Variants in TMPRSS4 observed in about 807,000 individuals in gnomAD.
TMPRSS4 encodes transmembrane protease serine 4.
Under a neutral mutation model 56.4 loss-of-function variants are expected in TMPRSS4, and 45 were observed. The observed-to-expected ratio is 0.80, with a 90% CI of 0.63 to 1.02. The LOEUF (loss-of-function observed/expected upper bound fraction) is 1.02. Among genes scored for constraint, TMPRSS4 ranks in the 50% least tolerant of loss-of-function variants. The pLI, the probability that TMPRSS4 is intolerant of heterozygous loss-of-function variation, is 0.00. For missense variants in TMPRSS4, 546 were observed against 556.7 expected, an observed-to-expected ratio of 0.98 and a Z score of 0.19; for synonymous variants, 205 against 211.0, an observed-to-expected ratio of 0.97 and a Z score of 0.25.
At chr11:118,114,438 C>T (rs1947437066) in intron 9 of TMPRSS4, among the ~76,000 whole-genome samples, 1 of 152,238 alleles carries the variant, frequency 6.6e-6, no homozygotes, top group Non-Finnish European at 1.5e-5. Flanking sequence ...TGGCCCAGAG[C>T]CACCTGTGGC....
In TMPRSS4 at chr11:118,118,586, G is replaced by C. The variant is rs1941626; in HGVS notation, c.*673G>C. On this transcript the variant is annotated 3_prime_UTR_variant, in exon 13 of 13. Transcript: ENST00000437212. The stretch of plus-strand genomic sequence containing the variant: ...GTAGAGGCAGGGGAAAAAAGAGTTA[G>C]GGAGACCAGATCTGCTGAGTGGCAG... The C allele has an allele frequency of 0.05, 48,816 of 985,438 alleles. 2,799 individuals carry two copies. Among genetic ancestry groups the C allele is most frequent in the East Asian group, 0.4 (3,482 of 8,800 alleles). 61.0% of individuals were successfully genotyped at this position (985,438 alleles called of 1,614,324 possible).
At chr11:118,079,997 G>A (rs920694721) in intron 1 of TMPRSS4, among the ~76,000 whole-genome samples, 3 of 152,096 alleles carry the variant, frequency 2.0e-5, no homozygotes, top group East Asian at 3.9e-4. Context: ...TGGTGTCACT[G>A]TAACCACTCC....
chr11:118,117,516 A>G, intron 12 of TMPRSS4, 62 bp downstream of exon 12: 1 of 1,550,002 alleles, frequency 6.5e-7, no homozygotes, highest in East Asian at 2.3e-5. Context: ...GGGGGTGCCA[A>G]TCCATCCTCA....
chr11:118,117,498 T>C (rs776252160), intron 12 of TMPRSS4, 44 bp downstream of exon 12: 3 of 1,579,640 alleles, frequency 1.9e-6, no homozygotes, highest in Non-Finnish European at 2.6e-6. Flanking sequence ...CCTCCAGTCC[T>C]CTACCTGGGG....
intron 4 of TMPRSS4, among the ~76,000 whole-genome samples, chr11:118,103,728 C>T (rs1001972273): frequency 2.0e-5 from 3 of 152,126 alleles, no homozygotes; most frequent in Non-Finnish European, 2.9e-5. Context: ...ACCTTTAAAT[C>T]CTAGTACTTA....
chr11:118,117,489 C>T lies in TMPRSS4; in HGVS notation c.1302+35C>T. 4 of 1,588,778 alleles carry T rather than the reference C, an allele frequency of 2.5e-6. No homozygotes were observed. The South Asian group carries it at 4.6e-5, about 18-fold the overall frequency. ...CTTTGCCCTACCCACTGTGCCTTCC[C>T]TCCAGTCCTCTACCTGGGGGGTGCC... On this transcript the variant is annotated intron_variant, in intron 12 of 12. Coordinates refer to ENST00000437212, the MANE Select transcript of TMPRSS4 (RefSeq NM_019894.4).
downstream of TMPRSS4, among the ~76,000 whole-genome samples, chr11:118,123,461 G>A (rs1219963638): frequency 3.3e-5 from 5 of 152,044 alleles, no homozygotes; most frequent in South Asian, 1.0e-3. Context: ...CCAGAAGGTG[G>A]GACATTCCAC....
At chr11:118,099,483 A>AAAGAAAGAAAGAAAGAAAGAG (rs1946619594) in intron 3 of TMPRSS4, among the ~76,000 whole-genome samples, 2 of 140,568 alleles carry the variant, frequency 1.4e-5, no homozygotes, top group Non-Finnish European at 3.2e-5. Context: ...AAGAAAGAAA[A>AAAGAAAGAAAGAAAGAAAGAG]AGAAAGAAAG....
At chr11:118,077,460 C>T (rs528730678) in intron 1 of TMPRSS4, among the ~76,000 whole-genome samples, 155 bp downstream of exon 1, 12 of 152,314 alleles carry the variant, frequency 7.9e-5, no homozygotes, top group South Asian at 2.1e-4. Context: ...CACCCCAGCC[C>T]GGTACACGTC....
chr11:118,107,641 A>T (rs1211300679), intron 5 of TMPRSS4, 133 bp from the exon 6 acceptor site: 3 of 682,146 alleles, frequency 4.4e-6, no homozygotes, highest in Non-Finnish European at 7.6e-6. Flanking sequence ...GACTAAGACC[A>T]TCTCCACTCC....
intron 1 of TMPRSS4, among the ~76,000 whole-genome samples, chr11:118,080,821 C>A (rs138778962): frequency 1.3e-5 from 2 of 152,174 alleles, no homozygotes; most frequent in Non-Finnish European, 2.9e-5. Flanking sequence ...AAAATCTCCA[C>A]GGCCTCAGAC....
At chr11:118,095,157 T>A (rs2276127) in intron 2 of TMPRSS4, 1 of 387,934 alleles carries the variant, frequency 2.6e-6, no homozygotes, top group Non-Finnish European at 4.8e-6. Context: ...ACCTGCCATG[T>A]GCCAGGCCCT....
chr11:118,097,321 A>C (rs1946460275), intron 2 of TMPRSS4, among the ~76,000 whole-genome samples: 1 of 152,192 alleles, frequency 6.6e-6, no homozygotes, highest in Non-Finnish European at 1.5e-5. Context: ...AAGAAAAAAA[A>C]AGCAAGAAAG....
Position 118,105,453 on chromosome 11 carries a change from TC to T in TMPRSS4, c.440+634del, listed in dbSNP as rs1298754112. 2.0e-5 allele frequency: 3 copies of T among 152,168 alleles called. No individual in the cohort carries two copies. In the East Asian group the frequency reaches 5.8e-4, roughly 29 times the overall value. The allele number at this position is 152,168 out of a possible 1,614,324, so 9.4% of individuals were successfully genotyped here. ...TATATAGATATATATTATATCTATT[TC>T]ATAAATAGGCTCAAACAAAGTAAGT... On this transcript the variant is annotated intron_variant, in intron 5 of 12. Coordinates refer to ENST00000437212, the MANE Select transcript of TMPRSS4 (RefSeq NM_019894.4).
chr11:118,079,699 C>T (rs547547303), intron 1 of TMPRSS4, among the ~76,000 whole-genome samples: 90 of 152,068 alleles, frequency 5.9e-4, no homozygotes, highest in African/African-American at 2.0e-3. Flanking sequence ...TCCTGTTTTC[C>T]GTGCCAGCCT....
intron 8 of TMPRSS4, among the ~76,000 whole-genome samples, chr11:118,112,611 T>A (rs1285317105): frequency 6.6e-6 from 1 of 151,924 alleles, no homozygotes; most frequent in African/African-American, 2.4e-5. Context: ...CAGGCTGATC[T>A]CTAACTCCTG....
chr11:118,080,234 G>C (rs964121210), intron 1 of TMPRSS4, among the ~76,000 whole-genome samples: 1 of 152,224 alleles, frequency 6.6e-6, no homozygotes, highest in African/African-American at 2.4e-5. Flanking sequence ...TCCTGGAAGA[G>C]AAACTATTTG....
chr11:118,080,718 A>C lies in TMPRSS4; in HGVS notation c.3+3413A>C, dbSNP rs74426892. ...ATGGGTAGAGGGAGAGATGAGAAAA[A>C]CAGACCCAAAACAGAGCTGGGGAAC... On this transcript the variant is annotated intron_variant, in intron 1 of 12. Coordinates refer to ENST00000437212, the MANE Select transcript of TMPRSS4 (RefSeq NM_019894.4). 8.5e-3 allele frequency among the ~76,000 whole-genome samples: 1,293 copies of C among 152,252 alleles called. 16 individuals carry two copies. The highest frequency in any genetic ancestry group is 0.027 in the African/African-American group (1,125 of 41,544).
intron 8 of TMPRSS4, 68 bp from the exon 9 acceptor site, chr11:118,113,201 G>A: frequency 2.0e-6 from 3 of 1,520,074 alleles, no homozygotes; most frequent in Non-Finnish European, 2.7e-6. Context: ...AGGGCCCTGG[G>A]GACCCAGCCT....
Sources: allele counts gnomAD v4.1 joint callset (sites outside exome capture counted in the v4.1 genomes callset), GRCh38; gene constraint gnomAD v4.1.1; transcripts MANE v1.5; gene names NCBI Gene and HGNC (gene_info 2026-07-23, HGNC 2026-07-21).